The following PDE2A variants were observed in gnomAD, a reference collection of about 807,000 sequenced individuals.
The protein encoded by PDE2A is phosphodiesterase 2A.
Under a neutral mutation model 133.6 loss-of-function variants are expected in PDE2A, and 53 were observed. The observed-to-expected ratio is 0.40, with a 90% CI of 0.32 to 0.50. The LOEUF is 0.50. PDE2A is among the 20% of genes least tolerant of loss of function. PDE2A has a pLI of 0.73. For synonymous variants in PDE2A, 491 were observed against 490.2 expected (o/e 1.00, Z -0.02); for missense variants, 796 against 1,232.4 (o/e 0.65, Z 5.30).
intron 21 of PDE2A, 30 bp from the exon 22 acceptor site, chr11:72,581,977 G>A: frequency 6.3e-6 from 10 of 1,582,018 alleles, no homozygotes; most frequent in Non-Finnish European, 7.0e-6. Flanking sequence ...GTATCAGAGG[G>A]GCTGCCAGTA....
rs56970651 is a variant in PDE2A at position 72,580,679 on chromosome 11, C to A, written c.2134-55G>T. On this transcript the variant is annotated intron_variant, in intron 24 of 30. Transcript: ENST00000334456. Reference sequence around the variant, plus strand: ...TCCTCACATCCGGATCCAAGTGCCACTGCTTTAGGCTGAGCAGTGTCCTGC... The same window carrying A: ...TCCTCACATCCGGATCCAAGTGCCAATGCTTTAGGCTGAGCAGTGTCCTGC... 2.4e-3 allele frequency: 3,240 copies of A among 1,362,694 alleles called. 62 individuals carry two copies. In the African/African-American group the frequency reaches 0.041, roughly 17 times the overall value. 84.4% of individuals were successfully genotyped at this position (1,362,694 alleles called of 1,614,324 possible). A position where few individuals can be genotyped will look rare whatever the true frequency, so the allele number is the denominator to read the frequency against.
chr11:72,590,302 C>A lies in PDE2A; in HGVS notation c.704-58G>T. ...CCCCTCCGCACCTCCGTGTCCGGGTCCCTCAGGCGCCGCTCAGCTCCGCGC... is the reference window on the plus strand; with the variant it reads ...CCCCTCCGCACCTCCGTGTCCGGGTACCTCAGGCGCCGCTCAGCTCCGCGC... On this transcript the variant is annotated intron_variant, in intron 8 of 30. Transcript: ENST00000334456. This position sits in a 1 kb window ranked among gnomAD's most constrained non-coding sequence, Gnocchi z 4.8. 6.5e-7 allele frequency: 1 copy of A among 1,541,120 alleles called. No homozygotes were observed. The highest frequency in any genetic ancestry group is 1.2e-5 in the South Asian group (1 of 83,784).
Position 72,615,557 on chromosome 11 carries a change from A to G in PDE2A, c.145-6806T>C, listed in dbSNP as rs145891924. On this transcript the variant is annotated intron_variant, in intron 2 of 30. Transcript: ENST00000334456. ...GGGAGGATGGCCCTGCAAGGCAGACATCAGATCAAGCGGGGCAGAGCCAGC... is the reference window on the plus strand; with the variant it reads ...GGGAGGATGGCCCTGCAAGGCAGACGTCAGATCAAGCGGGGCAGAGCCAGC... 2.4e-3 allele frequency among the ~76,000 whole-genome samples: 360 copies of G among 152,240 alleles called. 1 individual carries two copies. The highest frequency in any genetic ancestry group is 4.0e-3 in the Non-Finnish European group (271 of 67,986).
chr11:72,583,861 G>A (rs1182691124), intron 19 of PDE2A, among the ~76,000 whole-genome samples: 1 of 151,976 alleles, frequency 6.6e-6, no homozygotes, highest in Non-Finnish European at 1.5e-5. Flanking sequence ...AGGCCAGAGC[G>A]CCAGTAGGCC....
Position 72,584,603 on chromosome 11 carries a change from G to C in PDE2A, c.1485C>G (p.Thr495=), listed in dbSNP as rs780455672. Residue 495 remains threonine, a synonymous_variant, in exon 18 of 31, where the codon ACC becomes ACG. Coordinates refer to ENST00000334456, the MANE Select transcript of PDE2A (RefSeq NM_002599.5). The part of the protein sequence containing the change: ...PLFYRGVDDS[T]GFRTRNILCF... ...AGAGGATGTTGCGCGTGCGGAAGCC[G>C]GTGCTGTCGTCCACGCCGCGGTAGA... The C allele has an allele frequency of 6.2e-7, 1 of 1,612,650 alleles. No individual in the cohort carries two copies. Among genetic ancestry groups the C allele is most frequent in the South Asian group, 1.1e-5 (1 of 91,066 alleles).
intron 3 of PDE2A, among the ~76,000 whole-genome samples, chr11:72,607,103 G>A (rs983614357): frequency 2.1e-4 from 32 of 152,226 alleles, no homozygotes; most frequent in Non-Finnish European, 4.3e-4. Flanking sequence ...GAGCCCCTCC[G>A]TGCAATCAAG....
intron 1 of PDE2A, among the ~76,000 whole-genome samples, chr11:72,652,931 T>C (rs935038120): frequency 1.3e-5 from 2 of 152,218 alleles, no homozygotes; most frequent in Non-Finnish European, 1.5e-5. Context: ...CCTCCTCTCT[T>C]GCCTCCTCAA....
At chr11:72,642,589 C>T (rs1859009868) in intron 1 of PDE2A, 1 of 174,284 alleles carries the variant, frequency 5.7e-6, no homozygotes, top group Non-Finnish European at 1.1e-5. Context: ...GGACACCCGG[C>T]CGCTGTCACC....
chr11:72,638,602 C>A (rs1356828282), intron 2 of PDE2A, among the ~76,000 whole-genome samples: 1 of 151,960 alleles, frequency 6.6e-6, no homozygotes, highest in Admixed American at 6.5e-5. Flanking sequence ...AGTTTGGCCA[C>A]CACCATGACC....
At chr11:72,637,232 T>C (rs1858740249) in intron 2 of PDE2A, among the ~76,000 whole-genome samples, 2 of 152,164 alleles carry the variant, frequency 1.3e-5, no homozygotes, top group Non-Finnish European at 2.9e-5. Context: ...CCTGAGTTTA[T>C]CTCCCTCGTT....
At chr11:72,652,811 G>A (rs1335812170) in intron 1 of PDE2A, 1 of 434,174 alleles carries the variant, frequency 2.3e-6, no homozygotes, top group Non-Finnish European at 4.6e-6. Flanking sequence ...CTGACTTGGG[G>A]AAAAGAGCCC....
chr11:72,577,421 GC>G lies in PDE2A; in HGVS notation c.2788del (p.Ala930ProfsTer52). On this transcript the variant is annotated frameshift_variant, in exon 31 of 31. Coordinates refer to ENST00000334456, the MANE Select transcript of PDE2A (RefSeq NM_002599.5). LOFTEE classifies it high-confidence loss of function. ...YEVPDLDGTR[A>X]PINGCCSLDA... Reference sequence around the variant, plus strand: ...AAGGCTGCAGCAGCCATTGATGGGGGCCCTAGTGCCATCCAGATCAGGCACC... The same window carrying G: ...AAGGCTGCAGCAGCCATTGATGGGGGCCTAGTGCCATCCAGATCAGGCACC... The G allele has an allele frequency of 1.2e-6, 2 of 1,613,872 alleles. No individual in the cohort carries two copies. The highest frequency in any genetic ancestry group is 1.7e-6 in the Non-Finnish European group (2 of 1,179,954).
At chr11:72,666,180 T>G (rs1284602502) in intron 1 of PDE2A, among the ~76,000 whole-genome samples, 1 of 152,098 alleles carries the variant, frequency 6.6e-6, no homozygotes, top group East Asian at 1.9e-4. Flanking sequence ...TTGGCTCTCC[T>G]CTGAGCTCCC....
rs1430728271 is a variant in PDE2A, at chr11:72,581,344, T to C, written c.2045+13A>G. ...CAGTGGCTGCCAGATGTGGGGGAGATGCAGCCACTCACTCGAGGTAGTTGG... is the reference window on the plus strand; with the variant it reads ...CAGTGGCTGCCAGATGTGGGGGAGACGCAGCCACTCACTCGAGGTAGTTGG... On this transcript the variant is annotated intron_variant, in intron 23 of 30. Coordinates refer to ENST00000334456, the MANE Select transcript of PDE2A (RefSeq NM_002599.5). 1 of 1,612,372 alleles carries C rather than the reference T, an allele frequency of 6.2e-7. No homozygotes were observed. Among genetic ancestry groups the C allele is most frequent in the African/African-American group, 1.3e-5 (1 of 75,016 alleles).
rs943670649 is a variant in PDE2A, at chr11:72,583,521, G to T, written c.1651-6C>A. ...ACTTTTTTGTATAGGAGAGACTAGG[G>T]GAAAGAGGGAAAGATGGGGCTCAAG... On this transcript the variant is annotated splice_polypyrimidine_tract_variant and splice_region_variant and intron_variant, in intron 19 of 30. Coordinates refer to ENST00000334456, the MANE Select transcript of PDE2A (RefSeq NM_002599.5). The T allele has an allele frequency of 6.3e-7, 1 of 1,586,360 alleles. No individual in the cohort carries two copies. The highest frequency in any genetic ancestry group is 8.7e-7 in the Non-Finnish European group (1 of 1,154,812).
At chr11:72,583,577 A>C in intron 19 of PDE2A, 62 bp from the exon 20 acceptor site, 2 of 1,120,704 alleles carry the variant, frequency 1.8e-6, no homozygotes, top group Non-Finnish European at 2.7e-6. Flanking sequence ...AGCAATGCCC[A>C]GGACTGGGAT....
chr11:72,589,734 A>G lies in PDE2A; in HGVS notation c.873+17T>C, dbSNP rs1157330597. The G allele has an allele frequency of 6.2e-7, 1 of 1,613,288 alleles. No homozygotes were observed. ...CGCCCCTGCAGACTCCAACGAGAAG[A>G]CAGACGCGGGACTCACGGGAAAGCT... On this transcript the variant is annotated intron_variant, in intron 11 of 30. Coordinates refer to ENST00000334456, the MANE Select transcript of PDE2A (RefSeq NM_002599.5).
intron 4 of PDE2A, among the ~76,000 whole-genome samples, chr11:72,603,850 C>T (rs1391887): frequency 0.049 from 7,525 of 152,234 alleles, 648 homozygotes; most frequent in African/African-American, 0.17. Context: ...AGAGCAGAAC[C>T]AACTCCTTCC....
intron 1 of PDE2A, among the ~76,000 whole-genome samples, chr11:72,664,960 C>G (rs531476073): frequency 6.6e-6 from 1 of 152,120 alleles, no homozygotes. Context: ...GCATCCACCA[C>G]CACGCCCAGC....
Sources: gnomAD v4.1 joint callset for allele counts (sites outside exome capture counted in the v4.1 genomes callset) on GRCh38, gnomAD v4.1.1 for gene constraint, Gnocchi (gnomAD v3.1) non-coding constraint, MANE v1.5 for transcripts, NCBI Gene and HGNC (gene_info 2026-07-23, HGNC 2026-07-21) for gene names.